Variants in PARP16 observed in about 807,000 individuals in gnomAD.
The protein encoded by PARP16 is poly(ADP-ribose) polymerase family member 16.
PARP16 carries 31 observed loss-of-function variants against 35.0 expected under a neutral mutation model. The observed-to-expected ratio is 0.88, with a 90% CI of 0.66 to 1.19. PARP16 has a LOEUF of 1.19. PARP16 is among the 50% of genes most tolerant of loss of function. The probability of loss-of-function intolerance (pLI) is 0.00; values close to 1 mark genes in which losing one functional copy is unlikely to be tolerated. For synonymous variants in PARP16, 162 were observed against 169.5 expected (o/e 0.96, Z 0.34); for missense variants, 424 against 411.2 (o/e 1.03, Z -0.27).
downstream of PARP16, among the ~76,000 whole-genome samples, chr15:65,255,001 C>T (rs2089460252): frequency 6.6e-6 from 1 of 152,142 alleles, no homozygotes; most frequent in African/African-American, 2.4e-5. Context: ...TGTGAGAGGT[C>T]CCCCCTTACA....
intron 1 of PARP16, among the ~76,000 whole-genome samples, chr15:65,278,000 T>C (rs979353101): frequency 5.9e-5 from 9 of 152,186 alleles, no homozygotes. Flanking sequence ...GGAGAATAAT[T>C]ATCCAAGAGG....
downstream of PARP16, among the ~76,000 whole-genome samples, chr15:65,254,269 G>A (rs1164107239): frequency 6.6e-6 from 1 of 152,216 alleles, no homozygotes; most frequent in East Asian, 1.9e-4. Flanking sequence ...AGGTGGACAA[G>A]GGCACCAGCC....
At chr15:65,250,789 T>C (rs1223525271) in intron 2 of PARP16, among the ~76,000 whole-genome samples, 1 of 152,170 alleles carries the variant, frequency 6.6e-6, no homozygotes, top group East Asian at 1.9e-4. Flanking sequence ...CAGTCCAAGC[T>C]GACCGAAGGA....
intron 5 of PARP16, 25 bp from the exon 6 acceptor site, chr15:65,259,567 G>A: frequency 7.5e-6 from 12 of 1,607,064 alleles, no homozygotes; most frequent in Non-Finnish European, 1.0e-5. Context: ...AAAAAGAGTG[G>A]TGTTGGCAAA....
chr15:65,255,948 A>G (rs2089495263), downstream of PARP16, among the ~76,000 whole-genome samples: 1 of 152,090 alleles, frequency 6.6e-6, no homozygotes, highest in Non-Finnish European at 1.5e-5. Context: ...AAAACTTCCC[A>G]TCTATGCAGT....
At chr15:65,255,460 GA>G (rs2089470922), downstream of PARP16, among the ~76,000 whole-genome samples, 1 of 152,040 alleles carries the variant, frequency 6.6e-6, no homozygotes, top group Non-Finnish European at 1.5e-5. Flanking sequence ...AGGGGGCCCA[GA>G]AAGGCAAAAG....
At chr15:65,280,122 C>A (rs2090376167) in intron 1 of PARP16, among the ~76,000 whole-genome samples, 1 of 151,984 alleles carries the variant, frequency 6.6e-6, no homozygotes. Context: ...TGGAAATAAG[C>A]ATCGAAAGCC....
intron 3 of PARP16, among the ~76,000 whole-genome samples, chr15:65,246,135 G>A (rs776413914): frequency 2.2e-4 from 34 of 152,112 alleles, no homozygotes; most frequent in Non-Finnish European, 4.4e-4. Context: ...CGGCCACCCT[G>A]AGCTCACTTC....
intron 1 of PARP16, among the ~76,000 whole-genome samples, chr15:65,277,798 T>C (rs1567037463): frequency 6.6e-6 from 1 of 152,214 alleles, no homozygotes; most frequent in Non-Finnish European, 1.5e-5. Flanking sequence ...TAATCAGGTA[T>C]GATATTGGAA....
At chr15:65,240,565 C>T (rs943071257) in intron 3 of PARP16, among the ~76,000 whole-genome samples, 1 of 152,068 alleles carries the variant, frequency 6.6e-6, no homozygotes, top group African/African-American at 2.4e-5. Flanking sequence ...TGAAATTCAT[C>T]CATGTTCATT....
chr15:65,236,804 C>T (rs1296413353), intron 3 of PARP16, among the ~76,000 whole-genome samples: 2 of 151,978 alleles, frequency 1.3e-5, no homozygotes, highest in Admixed American at 6.6e-5. Flanking sequence ...AACCCCATCT[C>T]TACTAAAAAT....
At chr15:65,277,591 G>C (rs1219012841) in intron 1 of PARP16, among the ~76,000 whole-genome samples, 1 of 152,250 alleles carries the variant, frequency 6.6e-6, no homozygotes, top group Non-Finnish European at 1.5e-5. Context: ...GAGGCTTGGA[G>C]ATGCTCAGCA....
At chr15:65,247,533 A>G (rs980088355) in intron 3 of PARP16, among the ~76,000 whole-genome samples, 1 of 152,180 alleles carries the variant, frequency 6.6e-6, no homozygotes, top group Non-Finnish European at 1.5e-5. Flanking sequence ...ACAATTAATG[A>G]TGAGGTGATC....
At chr15:65,269,205 T>TCTCTCTCTCTCTCCTCTCTCTCTCTC (rs1567029678) in intron 2 of PARP16, among the ~76,000 whole-genome samples, 1 of 147,308 alleles carries the variant, frequency 6.8e-6, no homozygotes, top group Non-Finnish European at 1.5e-5. Flanking sequence ...TCTTTCTTTC[T>TCTCTCTCTCTCTCCTCTCTCTCTCTC]TTTTTTTTTG....
chr15:65,281,724 C>A (rs1235066448), intron 1 of PARP16, among the ~76,000 whole-genome samples: 1 of 151,234 alleles, frequency 6.6e-6, no homozygotes, highest in Non-Finnish European at 1.5e-5. Context: ...AGCTTATCAG[C>A]ACGAAAATGG....
chr15:65,251,653 CA>C (rs756961884), intron 2 of PARP16, among the ~76,000 whole-genome samples: 25 of 151,006 alleles, frequency 1.7e-4, no homozygotes, highest in South Asian at 1.3e-3. Flanking sequence ...ATTATCTCAT[CA>C]AAAGATATGA....
intron 2 of PARP16, 65 bp from the exon 3 acceptor site, chr15:65,266,833 C>T (rs2089908611): frequency 2.6e-6 from 3 of 1,163,890 alleles, no homozygotes; most frequent in Non-Finnish European, 3.8e-6. Context: ...CAAAAATAGC[C>T]CCCTAAACTC....
chr15:65,251,876 T>G (rs879456221), intron 2 of PARP16, among the ~76,000 whole-genome samples: 1 of 152,120 alleles, frequency 6.6e-6, no homozygotes, highest in African/African-American at 2.4e-5. Flanking sequence ...GCCATTCTCC[T>G]GCCTCAGCCT....
chr15:65,256,407 C>CTTT (rs11422149), downstream of PARP16, among the ~76,000 whole-genome samples: 25 of 121,502 alleles, frequency 2.1e-4, 1 homozygote, highest in East Asian at 4.8e-4. Flanking sequence ...CTGCCCACGG[C>CTTT]TTTTTTTTTT....
Sources: gnomAD v4.1 joint callset for allele counts (sites outside exome capture counted in the v4.1 genomes callset) on GRCh38, gnomAD v4.1.1 for gene constraint, MANE v1.5 for transcripts, NCBI Gene and HGNC (gene_info 2026-07-23, HGNC 2026-07-21) for gene names.